The following EPHA2 variants were observed in gnomAD, a reference collection of about 807,000 sequenced individuals.
The protein encoded by EPHA2 is EPH receptor A2.
A neutral mutation model predicts 104.9 loss-of-function variants in EPHA2; 54 were observed. The ratio of observed to expected loss-of-function variants is 0.51; its 90% confidence interval spans 0.41 to 0.65. EPHA2 has a LOEUF of 0.65. EPHA2 is among the 30% of genes least tolerant of loss of function. EPHA2 has a pLI of 0.00. For missense variants in EPHA2, 1,117 were observed against 1,369.5 expected (o/e 0.82, Z 2.91); for synonymous variants, 560 against 559.1 (o/e 1.00, Z -0.02).
In EPHA2 at chr1:16,150,327, CCCCAG is replaced by C. The variant is rs2025011339; in HGVS notation, c.153+564_153+568del. On this transcript the variant is annotated intron_variant, in intron 2 of 16. Transcript: ENST00000358432. The surrounding 1 kb of genome is among the most constrained non-coding windows in gnomAD (Gnocchi z 4.8). ...AGACACACACAGCCAGGGGAAGAACCCCCAGCCCCTGCCCCCATTCCTGGTCACAT... is the reference window on the plus strand; with the variant it reads ...AGACACACACAGCCAGGGGAAGAACCCCCCTGCCCCCATTCCTGGTCACAT... Among the ~76,000 whole-genome samples, 1 of 152,184 alleles carries C rather than the reference CCCCAG, an allele frequency of 6.6e-6. No individual in the cohort carries two copies. The highest frequency in any genetic ancestry group is 1.5e-5 in the Non-Finnish European group (1 of 68,036).
At chr1:16,136,303 AAATAATAAT>A (rs35523202) in intron 5 of EPHA2, among the ~76,000 whole-genome samples, 197 of 140,990 alleles carry the variant, frequency 1.4e-3, no homozygotes, top group African/African-American at 4.3e-3. Context: ...ACGAGTGCAT[AAATAATAAT>A]AATAATAATA....
In EPHA2 at chr1:16,133,181, T is replaced by C; in HGVS notation, c.2052A>G (p.Lys684=). The change falls in exon 11 of 17, where the codon AAA becomes AAG. Residue 684 remains lysine (K), a splice_region_variant and synonymous_variant. Coordinates refer to ENST00000358432, the MANE Select transcript of EPHA2 (RefSeq NM_004431.5). ...GTGTGGGCAGGCCCCAAGCCTCACATTTGGAGATGACGCCCTCTAGGCGGA... is the reference window on the plus strand; with the variant it reads ...GTGTGGGCAGGCCCCAAGCCTCACACTTGGAGATGACGCCCTCTAGGCGGA... ...NIIRLEGVIS[K]YKPMMIITEY... The C allele has an allele frequency of 6.2e-7, 1 of 1,613,318 alleles. No individual in the cohort carries two copies. Among genetic ancestry groups the C allele is most frequent in the Non-Finnish European group, 8.5e-7 (1 of 1,179,848 alleles).
chr1:16,127,279 C>A (rs1452797890), intron 16 of EPHA2, among the ~76,000 whole-genome samples: 1 of 152,210 alleles, frequency 6.6e-6, no homozygotes, highest in African/African-American at 2.4e-5. Context: ...TCGACCCCCA[C>A]ACAGGATGCA....
Position 16,134,007 on chromosome 1 carries a change from G to A in EPHA2, c.1683-92C>T, listed in dbSNP as rs1327484594. Reference sequence around the variant, plus strand: ...TCCTGGCCCTACTTTGGTCCTAGGAGGACCTGGGGTGCTCAGAATGCGGCC... The same window carrying A: ...TCCTGGCCCTACTTTGGTCCTAGGAAGACCTGGGGTGCTCAGAATGCGGCC... On this transcript the variant is annotated intron_variant, in intron 8 of 16. Transcript: ENST00000358432. This position sits in a 1 kb window ranked among gnomAD's most constrained non-coding sequence, Gnocchi z 4.5. 1.5e-6 allele frequency: 2 copies of A among 1,326,178 alleles called. No homozygotes were observed. Among genetic ancestry groups the A allele is most frequent in the Middle Eastern group, 1.9e-4 (1 of 5,322 alleles). The allele number at this position is 1,326,178 out of a possible 1,614,324, so 82.2% of individuals were successfully genotyped here.
chr1:16,152,394 A>G (rs1365515546), intron 1 of EPHA2, among the ~76,000 whole-genome samples: 17 of 152,016 alleles, frequency 1.1e-4, no homozygotes, highest in Non-Finnish European at 2.9e-5. Flanking sequence ...CCCACTACTG[A>G]CCGGGGCCAA....
Position 16,138,448 on chromosome 1 carries a change from G to C in EPHA2, c.824-18C>G. On this transcript the variant is annotated intron_variant, in intron 3 of 16. Transcript: ENST00000358432. ...CGAGCAGGCTGGTGGACACAGGACAGACAGAGCACAAGGACATCAGTTCAA... is the reference window on the plus strand; with the variant it reads ...CGAGCAGGCTGGTGGACACAGGACACACAGAGCACAAGGACATCAGTTCAA... The C allele has an allele frequency of 6.2e-7, 1 of 1,613,280 alleles. No individual in the cohort carries two copies. The highest frequency in any genetic ancestry group is 1.1e-5 in the South Asian group (1 of 91,076).
chr1:16,148,949 G>A lies in EPHA2; in HGVS notation c.252C>T (p.Asn84=), dbSNP rs759241047. ...SGDQDNWLRT[N]WVYRGEAERI... ...GCTCAGCCTCTCCTCGGTACACCCA[G>A]TTGGTGCGGAGCCAGTTGTCCTGGT... The change falls in exon 3 of 17, where the codon AAC becomes AAT. Residue 84 remains asparagine (N), a synonymous_variant. Transcript: ENST00000358432. The surrounding 1 kb of genome is among the most constrained non-coding windows in gnomAD (Gnocchi z 4.9). 7 of 1,614,170 alleles carry A rather than the reference G, an allele frequency of 4.3e-6. No homozygotes were observed. The Admixed American group carries it at 1.0e-4, about 23-fold the overall frequency.
At chr1:16,136,651 G>A (rs1345431723) in intron 5 of EPHA2, among the ~76,000 whole-genome samples, 1 of 122,808 alleles carries the variant, frequency 8.1e-6, no homozygotes, top group Non-Finnish European at 1.6e-5. Flanking sequence ...GACAGAAGAA[G>A]AAAGAAGAAG....
intron 1 of EPHA2, among the ~76,000 whole-genome samples, chr1:16,152,961 G>T (rs535574892): frequency 6.6e-6 from 1 of 152,138 alleles, no homozygotes; most frequent in Non-Finnish European, 1.5e-5. Context: ...GCCCTGACGC[G>T]GGCGCGGCTC....
At chr1:16,143,562 C>T (rs528248377) in intron 3 of EPHA2, among the ~76,000 whole-genome samples, 46 of 152,230 alleles carry the variant, frequency 3.0e-4, no homozygotes, top group Admixed American at 2.6e-3. Flanking sequence ...TCCTGATGCC[C>T]GCCCCTCAGG....
intron 5 of EPHA2, among the ~76,000 whole-genome samples, chr1:16,136,171 C>T (rs1436756476): frequency 6.6e-6 from 1 of 152,064 alleles, no homozygotes; most frequent in East Asian, 1.9e-4. Flanking sequence ...CGCCCAGCTC[C>T]CAGGCTCTTT....
intron 1 of EPHA2, among the ~76,000 whole-genome samples, chr1:16,154,271 AGAAATCCT>A (rs2025104607): frequency 6.6e-6 from 1 of 152,148 alleles, no homozygotes; most frequent in Non-Finnish European, 1.5e-5. Flanking sequence ...TGAGGGTGGC[AGAAATCCT>A]TGCCATGAGC....
chr1:16,136,722 G>GAAGAAGAAGAAGAAA (rs2024709453), intron 5 of EPHA2, among the ~76,000 whole-genome samples: 1 of 130,812 alleles, frequency 7.6e-6, no homozygotes, highest in Non-Finnish European at 1.7e-5. Flanking sequence ...AAAAGAAGAA[G>GAAGAAGAAGAAGAAA]AAGAAGAAGA....
chr1:16,149,733 C>A (rs1557516282), intron 2 of EPHA2, among the ~76,000 whole-genome samples: 1 of 152,192 alleles, frequency 6.6e-6, no homozygotes, highest in Non-Finnish European at 1.5e-5. Flanking sequence ...GTACCCCTTG[C>A]CATTTACCAA....
In EPHA2 at chr1:16,125,102, A is replaced by G; in HGVS notation, c.*113T>C. On this transcript the variant is annotated 3_prime_UTR_variant, in exon 17 of 17. Coordinates refer to ENST00000358432, the MANE Select transcript of EPHA2 (RefSeq NM_004431.5). This position sits in a 1 kb window ranked among gnomAD's most constrained non-coding sequence, Gnocchi z 4.9. ...ACCCCTCAGCGGAAGTTGCAGGGGG[A>G]GGAAAGAACTAGAAATAAATAAAGT... The G allele has an allele frequency of 7.2e-6, 7 of 970,934 alleles. No homozygotes were observed. The highest frequency in any genetic ancestry group is 9.7e-6 in the Non-Finnish European group (6 of 620,824). 60.1% of individuals were successfully genotyped at this position (970,934 alleles called of 1,614,324 possible).
rs1238982579 is a variant in EPHA2, at chr1:16,155,956, G to T, written c.-24C>A. The T allele has an allele frequency of 1.3e-6, 2 of 1,481,786 alleles. No individual in the cohort carries two copies. 91.8% of individuals were successfully genotyped at this position (1,481,786 alleles called of 1,614,324 possible). On this transcript the variant is annotated 5_prime_UTR_variant, in exon 1 of 17. Coordinates refer to ENST00000358432, the MANE Select transcript of EPHA2 (RefSeq NM_004431.5). ...ATGCCGCGCTTCTCGCTCTCGGTCC[G>T]ATCCCCCCGAGCCCGGCTCCCGCAC...
intron 16 of EPHA2, among the ~76,000 whole-genome samples, chr1:16,127,079 C>A (rs557880678): frequency 8.5e-5 from 13 of 152,288 alleles, no homozygotes; most frequent in Non-Finnish European, 1.5e-4. Flanking sequence ...GGAGGCCCTG[C>A]GTAGAAAACT....
chr1:16,124,908 G>T lies in EPHA2; in HGVS notation c.*307C>A. 1 of 363,054 alleles carries T rather than the reference G, an allele frequency of 2.8e-6. No homozygotes were observed. Among genetic ancestry groups the T allele is most frequent in the Admixed American group, 3.7e-5 (1 of 26,714 alleles). The allele number at this position is 363,054 out of a possible 1,614,324, so 22.5% of individuals were successfully genotyped here. ...GAGAAGGCGGAGGGAAGGTCGGCTT[G>T]GGAATATCCCATATGTCTGTCCGAA... On this transcript the variant is annotated 3_prime_UTR_variant, in exon 17 of 17. Coordinates refer to ENST00000358432, the MANE Select transcript of EPHA2 (RefSeq NM_004431.5).
chr1:16,133,599 C>T lies in EPHA2; in HGVS notation c.1746G>A (p.Leu582=), dbSNP rs571128027. ...GGTCCACGTATGTCTTCAGGGGCTT[C>T]AGTTGTTCTGGAAGGAGAAGGGGTG... The part of the protein sequence containing the change: ...EDVYFSKSEQ[L]KPLKTYVDPH... Residue 582 remains leucine, a synonymous_variant, in exon 10 of 17, where the codon CTG becomes CTA. Transcript: ENST00000358432. The T allele has an allele frequency of 4.3e-6, 7 of 1,613,996 alleles. No individual in the cohort carries two copies. The highest frequency in any genetic ancestry group is 2.2e-5 in the South Asian group (2 of 91,080).
Sources: gnomAD v4.1 joint callset for allele counts (sites outside exome capture counted in the v4.1 genomes callset) on GRCh38, gnomAD v4.1.1 for gene constraint, Gnocchi (gnomAD v3.1) non-coding constraint, MANE v1.5 for transcripts, NCBI Gene and HGNC (gene_info 2026-07-23, HGNC 2026-07-21) for gene names.